MDGA2: variants seen among roughly 807,000 people sequenced by gnomAD.
The protein encoded by MDGA2 is MAM domain containing glycosylphosphatidylinositol anchor 2.
Under a neutral mutation model 117.8 loss-of-function variants are expected in MDGA2, and 40 were observed. That is an observed-to-expected ratio of 0.34 (90% CI 0.26 to 0.44). The LOEUF is 0.44. Among genes scored for constraint, MDGA2 ranks in the 20% least tolerant of loss-of-function variants. The pLI is 1.00. For missense variants in MDGA2, 1,123 were observed against 1,250.6 expected, an observed-to-expected ratio of 0.90 and a Z score of 1.54; for synonymous variants, 452 against 439.0, an observed-to-expected ratio of 1.03 and a Z score of -0.37.
At chr14:47,347,526 G>A (rs1020244632) in intron 1 of MDGA2, among the ~76,000 whole-genome samples, 3 of 152,186 alleles carry the variant, frequency 2.0e-5, no homozygotes, top group Non-Finnish European at 2.9e-5. Context: ...TATCTGTCTC[G>A]AACTTCCAGG....
At chr14:47,214,744 T>C (rs1414472732) in intron 3 of MDGA2, among the ~76,000 whole-genome samples, 1 of 152,152 alleles carries the variant, frequency 6.6e-6, no homozygotes, top group Non-Finnish European at 1.5e-5. Context: ...TGTTAGCACA[T>C]AATTTTATTT....
intron 3 of MDGA2, among the ~76,000 whole-genome samples, chr14:47,185,172 A>T (rs1884861243): frequency 6.6e-6 from 1 of 151,140 alleles, no homozygotes; most frequent in Non-Finnish European, 1.5e-5. Flanking sequence ...AATTTTAAAT[A>T]AAAAAGATGA....
chr14:47,019,279 G>A (rs950509734), intron 8 of MDGA2, among the ~76,000 whole-genome samples: 3 of 152,056 alleles, frequency 2.0e-5, no homozygotes, highest in African/African-American at 7.2e-5. Context: ...TCATAATTTT[G>A]ACAAAATTAA....
chr14:47,664,334 T>C (rs1424501120), intron 1 of MDGA2, among the ~76,000 whole-genome samples: 3 of 151,940 alleles, frequency 2.0e-5, no homozygotes, highest in Non-Finnish European at 4.4e-5. Flanking sequence ...TATTCTGGTC[T>C]AAAAACTAAA....
intron 3 of MDGA2, among the ~76,000 whole-genome samples, chr14:47,155,885 C>CTTTTTTTTTTTTTTTTTTTTTTTTTT (rs1883353082): frequency 2.5e-5 from 2 of 80,444 alleles, no homozygotes; most frequent in African/African-American, 8.7e-5. Flanking sequence ...TCTTCTTCTT[C>CTTTTTTTTTTTTTTTTTTTTTTTTTT]TTCTTTTTTT....
In MDGA2 at chr14:46,943,929, A is replaced by ACAC. The variant is rs1204097476; in HGVS notation, c.2089+13444_2089+13445insGTG. Among the ~76,000 whole-genome samples, 4 of 152,100 alleles carry ACAC rather than the reference A, an allele frequency of 2.6e-5. No individual in the cohort carries two copies. In the East Asian group the frequency reaches 7.8e-4, roughly 29 times the overall value. ...ATCAGGAAAGGTGTGTTCCAATTAA[A>ACAC]CTTCATTTACAAAAAACAGTTTGCT... On this transcript the variant is annotated intron_variant, in intron 9 of 16. Coordinates refer to ENST00000399232, the MANE Select transcript of MDGA2 (RefSeq NM_001113498.3).
chr14:46,993,955 C>T (rs1295841650), intron 8 of MDGA2, among the ~76,000 whole-genome samples: 1 of 152,130 alleles, frequency 6.6e-6, no homozygotes, highest in Non-Finnish European at 1.5e-5. Context: ...TCACACCCAA[C>T]AATCTTAGGT....
intron 10 of MDGA2, among the ~76,000 whole-genome samples, chr14:46,904,515 C>T (rs934139867): frequency 3.9e-5 from 6 of 152,088 alleles, no homozygotes; most frequent in African/African-American, 1.2e-4. Flanking sequence ...ATGTAGCTAT[C>T]CAGAGCTTTG....
At chr14:47,030,510 A>G (rs1164559858) in intron 8 of MDGA2, among the ~76,000 whole-genome samples, 2 of 151,992 alleles carry the variant, frequency 1.3e-5, no homozygotes, top group East Asian at 3.9e-4. Flanking sequence ...ATGAAACTCC[A>G]TCTCAGAAAA....
At chr14:47,454,964 G>A (rs1594865385) in intron 1 of MDGA2, among the ~76,000 whole-genome samples, 1 of 152,270 alleles carries the variant, frequency 6.6e-6, no homozygotes, top group Middle Eastern at 3.4e-3. Context: ...CAGTGGAGAA[G>A]TGGATATAAC....
chr14:46,931,814 C>T (rs1027196083), intron 9 of MDGA2, among the ~76,000 whole-genome samples: 1 of 152,148 alleles, frequency 6.6e-6, no homozygotes, highest in African/African-American at 2.4e-5. Context: ...TGAGCCACTG[C>T]ACCCAGCCTA....
intron 1 of MDGA2, among the ~76,000 whole-genome samples, chr14:47,650,432 A>C (rs552381467): frequency 6.6e-6 from 1 of 152,322 alleles, no homozygotes; most frequent in East Asian, 1.9e-4. Context: ...AGCAGAAGCC[A>C]CTGCCTGTGT....
intron 1 of MDGA2, among the ~76,000 whole-genome samples, chr14:47,626,778 C>T (rs1897152025): frequency 6.6e-6 from 1 of 152,218 alleles, no homozygotes; most frequent in South Asian, 2.1e-4. Flanking sequence ...CTGCAGCCCG[C>T]CATGCCTGAG....
chr14:47,575,215 A>G (rs575216540), intron 1 of MDGA2, among the ~76,000 whole-genome samples: 2 of 152,196 alleles, frequency 1.3e-5, no homozygotes, highest in Non-Finnish European at 2.9e-5. Context: ...TGGAGAGGAC[A>G]TTTTATTAGA....
intron 6 of MDGA2, among the ~76,000 whole-genome samples, chr14:47,071,210 G>A (rs1890267986): frequency 6.6e-6 from 1 of 152,176 alleles, no homozygotes; most frequent in Non-Finnish European, 1.5e-5. Context: ...GGAATGTCAT[G>A]TAAGTACGAG....
chr14:47,540,575 T>TAG (rs143097700), intron 1 of MDGA2, among the ~76,000 whole-genome samples: 4,528 of 133,960 alleles, frequency 0.034, 115 homozygotes, highest in South Asian at 0.056. Context: ...CACACACACA[T>TAG]AGAGAGAGAG....
chr14:46,854,507 T>C (rs565334764), intron 15 of MDGA2, among the ~76,000 whole-genome samples: 1 of 151,750 alleles, frequency 6.6e-6, no homozygotes, highest in African/African-American at 2.4e-5. Flanking sequence ...TAGCTAACTC[T>C]CTAAGCTTTA....
In MDGA2 at chr14:46,882,175, T is replaced by C. The variant is rs1352346985; in HGVS notation, c.2285A>G (p.Asn762Ser). The C allele has an allele frequency of 3.1e-6, 5 of 1,612,718 alleles. No individual in the cohort carries two copies. The highest frequency in any genetic ancestry group is 4.2e-6 in the Non-Finnish European group (5 of 1,179,168). The change falls in exon 11 of 17, where the codon AAT becomes AGT. Residue 762 changes from asparagine (N) to serine (S), a missense_variant. By Grantham distance (46) the Asn-to-Ser change is conservative. Coordinates refer to ENST00000399232, the MANE Select transcript of MDGA2 (RefSeq NM_001113498.3). ...WWEQEIKING[N>S]IQKGELITYN... Reference sequence around the variant, plus strand: ...TGTAATTAATTCTCCCTTTTGAATATTCCCATTTATTTTAATCTCCTGCTC... The same window carrying C: ...TGTAATTAATTCTCCCTTTTGAATACTCCCATTTATTTTAATCTCCTGCTC...
chr14:47,393,692 G>A (rs1019813519), intron 1 of MDGA2, among the ~76,000 whole-genome samples: 7 of 151,998 alleles, frequency 4.6e-5, no homozygotes, highest in Non-Finnish European at 1.0e-4. Context: ...AGCTTCAAAG[G>A]CCAATGAAAT....
Sources: allele counts gnomAD v4.1 joint callset (sites outside exome capture counted in the v4.1 genomes callset), GRCh38; gene constraint gnomAD v4.1.1; transcripts MANE v1.5; gene names NCBI Gene and HGNC (gene_info 2026-07-23, HGNC 2026-07-21).